The following TAS2R1 variants were observed in gnomAD, a reference collection of about 807,000 sequenced individuals.
TAS2R1 encodes taste receptor type 2 member 1.
For synonymous variants in TAS2R1, 141 were observed against 134.2 expected (o/e 1.05, Z -0.35); for missense variants, 370 against 353.4 (o/e 1.05, Z -0.38).
At chr5:9,685,561 A>G (rs1445824347) in intron 1 of TAS2R1, among the ~76,000 whole-genome samples, 1 of 152,160 alleles carries the variant, frequency 6.6e-6, no homozygotes, top group Non-Finnish European at 1.5e-5. Flanking sequence ...GCCCACCATG[A>G]GTACTCAAAA....
chr5:9,878,989 C>T, the TAS2R1 span, among the ~76,000 whole-genome samples: 19 of 152,330 alleles, frequency 1.2e-4, no homozygotes, highest in Admixed American at 9.8e-4. Context: ...ACAGAGTTCA[C>T]GCCTACCATC....
At chr5:9,897,387 T>C in the TAS2R1 span, among the ~76,000 whole-genome samples, 1 of 152,138 alleles carries the variant, frequency 6.6e-6, no homozygotes, top group East Asian at 1.9e-4. Context: ...AGGCAGAGGT[T>C]GCAGTGAGCC....
the TAS2R1 span, among the ~76,000 whole-genome samples, chr5:9,853,242 A>G: frequency 6.6e-6 from 1 of 152,170 alleles, no homozygotes; most frequent in Non-Finnish European, 1.5e-5. Context: ...GAAGAAAACA[A>G]CTTTATTGAG....
the TAS2R1 span, among the ~76,000 whole-genome samples, chr5:9,822,498 T>C: frequency 2.1e-4 from 32 of 152,050 alleles, no homozygotes; most frequent in South Asian, 1.3e-3. Flanking sequence ...TACAGGTGTG[T>C]GCCACCACGC....
At chr5:9,735,350 GA>G in the TAS2R1 span, among the ~76,000 whole-genome samples, 335 of 151,404 alleles carry the variant, frequency 2.2e-3, 3 homozygotes, top group Middle Eastern at 0.01. Flanking sequence ...AGTAACAACT[GA>G]AAAAAATTTA....
At chr5:9,744,365 G>A in the TAS2R1 span, among the ~76,000 whole-genome samples, 25 of 152,280 alleles carry the variant, frequency 1.6e-4, no homozygotes, top group African/African-American at 5.1e-4. Flanking sequence ...AAGTGGACAC[G>A]TTCATTAGTT....
the TAS2R1 span, among the ~76,000 whole-genome samples, chr5:9,737,995 A>T: frequency 6.6e-6 from 1 of 152,206 alleles, no homozygotes; most frequent in Non-Finnish European, 1.5e-5. Context: ...AAGGACACGT[A>T]TGATGCAGTG....
chr5:9,788,160 T>G, the TAS2R1 span, among the ~76,000 whole-genome samples: 6 of 152,204 alleles, frequency 3.9e-5, no homozygotes, highest in Non-Finnish European at 8.8e-5. Flanking sequence ...AGCTTAATGA[T>G]TTCTTGTTGA....
chr5:9,881,319 T>G, the TAS2R1 span, among the ~76,000 whole-genome samples: 1 of 152,020 alleles, frequency 6.6e-6, no homozygotes, highest in Admixed American at 6.6e-5. Context: ...GCGAAGGACC[T>G]CTTCAAGAAC....
chr5:9,715,810 T>C (rs1430941714), upstream of TAS2R1, among the ~76,000 whole-genome samples: 1 of 152,194 alleles, frequency 6.6e-6, no homozygotes, highest in Non-Finnish European at 1.5e-5. Context: ...AAGAAGGCTA[T>C]GAACGAATCT....
chr5:9,875,129 A>G, the TAS2R1 span, among the ~76,000 whole-genome samples: 1 of 152,148 alleles, frequency 6.6e-6, no homozygotes, highest in Non-Finnish European at 1.5e-5. Context: ...GGAATTCTCA[A>G]AATTAGGAGG....
chr5:9,755,759 C>T, the TAS2R1 span, among the ~76,000 whole-genome samples: 2 of 152,080 alleles, frequency 1.3e-5, no homozygotes, highest in African/African-American at 4.8e-5. Context: ...TGGGCAATTT[C>T]CCAGAACTGA....
At chr5:9,898,203 C>T in the TAS2R1 span, among the ~76,000 whole-genome samples, 4 of 152,282 alleles carry the variant, frequency 2.6e-5, no homozygotes, top group East Asian at 1.9e-4. Flanking sequence ...AAATATACAT[C>T]CTTAAGTGTG....
intron 1 of TAS2R1, among the ~76,000 whole-genome samples, chr5:9,669,288 C>CT (rs2126501428): frequency 6.6e-6 from 1 of 152,246 alleles, no homozygotes; most frequent in South Asian, 2.1e-4. Flanking sequence ...GACAAAGAGA[C>CT]TTTGATAACC....
At chr5:9,725,474 G>C in the TAS2R1 span, among the ~76,000 whole-genome samples, 253 of 152,342 alleles carry the variant, frequency 1.7e-3, no homozygotes, top group Middle Eastern at 6.8e-3. Flanking sequence ...CAGCAGCTGT[G>C]AAGGGTGTAC....
the TAS2R1 span, among the ~76,000 whole-genome samples, chr5:9,752,877 CTCA>C: frequency 6.6e-6 from 1 of 152,192 alleles, no homozygotes; most frequent in Non-Finnish European, 1.5e-5. Flanking sequence ...AGGACATGAA[CTCA>C]TCCTTTTTCA....
the TAS2R1 span, among the ~76,000 whole-genome samples, chr5:9,779,925 C>T: frequency 6.6e-6 from 1 of 152,222 alleles, no homozygotes; most frequent in East Asian, 1.9e-4. Context: ...TGTACTTACC[C>T]TCAGCTGACT....
At chr5:9,768,165 CTG>C in the TAS2R1 span, among the ~76,000 whole-genome samples, 1 of 152,144 alleles carries the variant, frequency 6.6e-6, no homozygotes, top group Non-Finnish European at 1.5e-5. Context: ...TCTCTGGAGA[CTG>C]TGCACTCTCT....
intron 1 of TAS2R1, among the ~76,000 whole-genome samples, chr5:9,686,918 C>G (rs1741136372): frequency 6.6e-6 from 1 of 152,010 alleles, no homozygotes; most frequent in South Asian, 2.1e-4. Context: ...AACTTGGTAA[C>G]TGTACTTGTG....
Sources: allele counts gnomAD v4.1 joint callset (sites outside exome capture counted in the v4.1 genomes callset), GRCh38; gene constraint gnomAD v4.1.1; transcripts MANE v1.5; gene names NCBI Gene and HGNC (gene_info 2026-07-23, HGNC 2026-07-21).